PI4KA: variants seen among roughly 807,000 people sequenced by gnomAD.
The protein encoded by PI4KA is PI4-kinase alpha.
A neutral mutation model predicts 271.4 loss-of-function variants in PI4KA; 122 were observed. The ratio of observed to expected loss-of-function variants is 0.45; its 90% confidence interval spans 0.39 to 0.52. The LOEUF (loss-of-function observed/expected upper bound fraction) is 0.52, where lower values mean the gene tolerates loss of function less well. PI4KA is among the 20% of genes least tolerant of loss of function. The probability of loss-of-function intolerance (pLI) is 0.00; values close to 1 mark genes in which losing one functional copy is unlikely to be tolerated. For synonymous variants in PI4KA, 1,041 were observed against 1,078.8 expected (o/e 0.96, Z 0.69); for missense variants, 1,969 against 2,769.1 (o/e 0.71, Z 6.48).
chr22:20,729,832 A>G (rs1351469610), intron 37 of PI4KA, 60 bp downstream of exon 37: 11 of 1,609,032 alleles, frequency 6.8e-6, no homozygotes, highest in Non-Finnish European at 9.4e-6. Context: ...TCCATCAAGC[A>G]GCTTGCAACT....
At chr22:20,778,626 A>G (rs1249754068) in intron 19 of PI4KA, among the ~76,000 whole-genome samples, 1 of 152,238 alleles carries the variant, frequency 6.6e-6, no homozygotes, top group Non-Finnish European at 1.5e-5. Flanking sequence ...AGCCTGGCCC[A>G]TGGACATTTT....
intron 3 of PI4KA, among the ~76,000 whole-genome samples, chr22:20,825,512 T>A (rs772981488): frequency 2.0e-5 from 3 of 152,100 alleles, no homozygotes; most frequent in Non-Finnish European, 2.9e-5. Context: ...CGAGAATTGC[T>A]TGAACCCAGG....
chr22:20,742,787 A>G, intron 30 of PI4KA, 23 bp from the exon 31 acceptor site: 2 of 1,612,846 alleles, frequency 1.2e-6, no homozygotes, highest in Non-Finnish European at 1.7e-6. Flanking sequence ...TCTCATCAGC[A>G]ACTAAGCATA....
intron 32 of PI4KA, among the ~76,000 whole-genome samples, chr22:20,739,039 A>C (rs1468216283): frequency 1.4e-5 from 1 of 72,172 alleles, no homozygotes; most frequent in African/African-American, 5.5e-5. Flanking sequence ...CTCAGTCACA[A>C]AAAAAAAAAA....
At chr22:20,814,522 G>A (rs1189583400) in intron 7 of PI4KA, among the ~76,000 whole-genome samples, 2 of 152,156 alleles carry the variant, frequency 1.3e-5, no homozygotes, top group Non-Finnish European at 2.9e-5. Flanking sequence ...GGCTGAGGTG[G>A]GAGGATTGCT....
At chr22:20,838,955 A>T (rs1458217642) in intron 1 of PI4KA, among the ~76,000 whole-genome samples, 3 of 152,154 alleles carry the variant, frequency 2.0e-5, no homozygotes, top group Admixed American at 6.6e-5. Flanking sequence ...AGTGGCTCAC[A>T]CCTGTAATCC....
rs558002776 is a variant in PI4KA at position 20,850,638 on chromosome 22, C to T, written c.156+7932G>A. Among the ~76,000 whole-genome samples, 20 of 151,798 alleles carry T rather than the reference C, an allele frequency of 1.3e-4. 1 individual carries two copies. The South Asian group carries it at 3.8e-3, about 29-fold the overall frequency. Reference sequence around the variant, plus strand: ...ATTTTTAGTAGAGACGGGGTTTCACCGTGTTAGCCAGGATGGTCTGGATTT... The same window carrying T: ...ATTTTTAGTAGAGACGGGGTTTCACTGTGTTAGCCAGGATGGTCTGGATTT... On this transcript the variant is annotated intron_variant, in intron 1 of 54. Coordinates refer to ENST00000255882, the MANE Select transcript of PI4KA (RefSeq NM_058004.4).
chr22:20,778,070 A>G (rs1933440897), intron 19 of PI4KA, among the ~76,000 whole-genome samples: 1 of 152,142 alleles, frequency 6.6e-6, no homozygotes, highest in Non-Finnish European at 1.5e-5. Context: ...CAGCAGTGGG[A>G]GCTATTGTCT....
At chr22:20,779,621 G>A (rs781313741) in intron 19 of PI4KA, 13 of 1,614,084 alleles carry the variant, frequency 8.1e-6, no homozygotes, top group South Asian at 1.1e-5. Context: ...CAGTTTCCCC[G>A]ACAGACTCTG....
At chr22:20,784,727 C>A (rs761912798) in intron 19 of PI4KA, among the ~76,000 whole-genome samples, 2 of 152,038 alleles carry the variant, frequency 1.3e-5, no homozygotes, top group East Asian at 1.9e-4. Flanking sequence ...TTCATGATTT[C>A]CTCTATTATT....
chr22:20,801,000 C>T (rs1935287570), intron 14 of PI4KA, among the ~76,000 whole-genome samples: 1 of 149,852 alleles, frequency 6.7e-6, no homozygotes, highest in Non-Finnish European at 1.5e-5. Context: ...AAGTGATTCT[C>T]CTGCCTCAGC....
At chr22:20,749,504 T>G (rs951041060) in intron 28 of PI4KA, among the ~76,000 whole-genome samples, 1 of 152,270 alleles carries the variant, frequency 6.6e-6, no homozygotes, top group African/African-American at 2.4e-5. Flanking sequence ...AGTCCCCAAC[T>G]CTGCCTCTGC....
In PI4KA at chr22:20,764,882, G is replaced by A; in HGVS notation, c.2643C>T (p.Leu881=). The A allele has an allele frequency of 6.2e-7, 1 of 1,613,754 alleles. No homozygotes were observed. The highest frequency in any genetic ancestry group is 1.1e-5 in the South Asian group (1 of 90,962). The part of the protein sequence containing the change: ...LLDPPPEVSA[L]INKLDFAMST... ...ACATGGCGAAGTCCAGCTTGTTGAT[G>A]AGTGCGGACACCTCGGGAGGGGGGT... is the stretch of plus-strand genomic sequence containing the variant. The change falls in exon 22 of 55, where the codon CTC becomes CTT. Residue 881 remains leucine (L), a synonymous_variant. Coordinates refer to ENST00000255882, the MANE Select transcript of PI4KA (RefSeq NM_058004.4).
At chr22:20,763,344 T>G (rs1932196223) in intron 22 of PI4KA, among the ~76,000 whole-genome samples, 1 of 152,094 alleles carries the variant, frequency 6.6e-6, no homozygotes, top group Admixed American at 6.6e-5. Flanking sequence ...ACTCCTGACC[T>G]CAGGATCTGC....
chr22:20,794,145 G>C (rs71312788), intron 18 of PI4KA, among the ~76,000 whole-genome samples: 1 of 152,190 alleles, frequency 6.6e-6, no homozygotes, highest in East Asian at 1.9e-4. Context: ...GTTTTCCCTG[G>C]GCTGGGGGCC....
chr22:20,736,601 G>A (rs1472310302), intron 32 of PI4KA: 1 of 153,518 alleles, frequency 6.5e-6, no homozygotes, highest in Non-Finnish European at 1.5e-5. Flanking sequence ...TCTGTGGGAT[G>A]TGCATAAGAG....
intron 7 of PI4KA, among the ~76,000 whole-genome samples, chr22:20,816,025 C>T (rs1921765199): frequency 1.3e-5 from 2 of 151,800 alleles, no homozygotes; most frequent in South Asian, 4.2e-4. Flanking sequence ...CCGCAACCTG[C>T]GTCTCCCAGG....
chr22:20,787,649 C>T (rs1394460008), intron 19 of PI4KA: 1 of 166,934 alleles, frequency 6.0e-6, no homozygotes, highest in East Asian at 1.6e-4. Context: ...TGTTGCCTCC[C>T]TGTGACCTGG....
At chr22:20,791,503 C>T (rs918685490) in intron 19 of PI4KA, among the ~76,000 whole-genome samples, 2 of 152,152 alleles carry the variant, frequency 1.3e-5, no homozygotes, top group African/African-American at 2.4e-5. Context: ...CGCCTGTAAT[C>T]CCAGCACTAA....
Sources: allele counts gnomAD v4.1 joint callset (sites outside exome capture counted in the v4.1 genomes callset), GRCh38; gene constraint gnomAD v4.1.1; transcripts MANE v1.5; gene names NCBI Gene and HGNC (gene_info 2026-07-23, HGNC 2026-07-21).